IL1RAPL2: variants seen among roughly 807,000 people sequenced by gnomAD.
IL1RAPL2 encodes interleukin 1 receptor accessory protein like 2, also known as X-linked interleukin-1 receptor accessory protein-like 2.
Under a neutral mutation model 44.1 loss-of-function variants are expected in IL1RAPL2, and 3 were observed. The observed-to-expected ratio is 0.07, with a 90% CI of 0.03 to 0.18. The LOEUF is 0.18. Among genes scored for constraint, IL1RAPL2 ranks in the 10% least tolerant of loss-of-function variants. The probability of loss-of-function intolerance (pLI) is 1.00; values close to 1 mark genes in which losing one functional copy is unlikely to be tolerated. For missense variants in IL1RAPL2, 391 were observed against 496.4 expected, an observed-to-expected ratio of 0.79 and a Z score of 2.02; for synonymous variants, 181 against 178.8, an observed-to-expected ratio of 1.01 and a Z score of -0.10.
intron 6 of IL1RAPL2, among the ~76,000 whole-genome samples, chrX:105,529,570 T>G (rs1423418862): frequency 9.0e-6 from 1 of 111,576 alleles, no homozygotes; most frequent in Non-Finnish European, 1.9e-5. Flanking sequence ...TGTACAAATC[T>G]TAAGTGTACA....
intron 6 of IL1RAPL2, among the ~76,000 whole-genome samples, chrX:105,595,069 A>T (rs903654465): frequency 1.1e-4 from 12 of 111,962 alleles, no homozygotes; most frequent in Non-Finnish European, 2.3e-4. Flanking sequence ...TCTTCATATC[A>T]TGTTACTTCT....
intron 1 of IL1RAPL2, among the ~76,000 whole-genome samples, chrX:104,582,506 CTCTCTCTT>C (rs1179817415): frequency 1.8e-5 from 2 of 109,939 alleles, no homozygotes; most frequent in African/African-American, 6.7e-5. Flanking sequence ...CTCTCTCTCT[CTCTCTCTT>C]TCTTTCTTTT....
intron 2 of IL1RAPL2, among the ~76,000 whole-genome samples, chrX:104,831,135 A>G (rs1921593599): frequency 8.9e-6 from 1 of 111,780 alleles, no homozygotes; most frequent in Non-Finnish European, 1.9e-5. Flanking sequence ...AACAATAACT[A>G]TGTTTCTTCT....
At chrX:104,716,814 A>G (rs111573275) in intron 2 of IL1RAPL2, among the ~76,000 whole-genome samples, 1 of 112,084 alleles carries the variant, frequency 8.9e-6, no homozygotes, top group South Asian at 3.7e-4. Flanking sequence ...ACACTTATAC[A>G]CTATTGGTGG....
At chrX:105,573,829 A>G (rs58013677) in intron 6 of IL1RAPL2, among the ~76,000 whole-genome samples, 5,680 of 111,844 alleles carry the variant, frequency 0.051, 386 homozygotes, top group African/African-American at 0.18. Context: ...GCAAGGATAT[A>G]GACTTGAAAG....
At chrX:104,866,711 A>T (rs1922625777) in intron 2 of IL1RAPL2, among the ~76,000 whole-genome samples, 1 of 111,939 alleles carries the variant, frequency 8.9e-6, no homozygotes, top group African/African-American at 3.2e-5. Context: ...TTAGAAACAA[A>T]TGAAAGTGAA....
intron 1 of IL1RAPL2, among the ~76,000 whole-genome samples, chrX:104,609,855 C>T (rs1019010785): frequency 6.3e-5 from 7 of 111,811 alleles, no homozygotes; most frequent in South Asian, 3.7e-4. Context: ...CTTCTGTCAA[C>T]TCATCAAACT....
intron 2 of IL1RAPL2, among the ~76,000 whole-genome samples, chrX:105,178,825 A>T (rs1441631780): frequency 1.8e-5 from 2 of 111,461 alleles, no homozygotes; most frequent in South Asian, 3.8e-4. Context: ...TCTTTTGCCC[A>T]CTTTTCAATG....
intron 2 of IL1RAPL2, among the ~76,000 whole-genome samples, chrX:104,848,116 A>C (rs1893802558): frequency 9.1e-6 from 1 of 110,218 alleles, no homozygotes; most frequent in South Asian, 3.9e-4. Context: ...GGTTTTCTAA[A>C]TATACAATCA....
At chrX:105,261,999 G>A (rs2034363491) in intron 4 of IL1RAPL2, among the ~76,000 whole-genome samples, 1 of 111,533 alleles carries the variant, frequency 9.0e-6, no homozygotes, top group Non-Finnish European at 1.9e-5. Flanking sequence ...CACTTCAAAG[G>A]CTAAAAGGAG....
chrX:105,298,397 G>A (rs73245769), intron 5 of IL1RAPL2, among the ~76,000 whole-genome samples: 127 of 110,805 alleles, frequency 1.1e-3, no homozygotes, highest in Middle Eastern at 4.7e-3. Flanking sequence ...TGGCAGAGGT[G>A]TAGGAAAAGC....
At chrX:104,869,860 T>C (rs1356508883) in intron 2 of IL1RAPL2, among the ~76,000 whole-genome samples, 4 of 112,168 alleles carry the variant, frequency 3.6e-5, no homozygotes, top group African/African-American at 1.3e-4. Flanking sequence ...ATTTCTTCTT[T>C]AGGATCTTTT....
chrX:105,147,827 C>T (rs1019221847), intron 2 of IL1RAPL2, among the ~76,000 whole-genome samples: 7 of 111,202 alleles, frequency 6.3e-5, no homozygotes, highest in African/African-American at 2.3e-4. Context: ...TTTATATAGA[C>T]ATATGATTTT....
At chrX:104,574,179 A>C (rs1325538304) in intron 1 of IL1RAPL2, among the ~76,000 whole-genome samples, 1 of 111,576 alleles carries the variant, frequency 9.0e-6, no homozygotes, top group African/African-American at 3.3e-5. Context: ...TATGGTAAAA[A>C]ATACCATAAT....
At chrX:105,089,551 G>T (rs770034820) in intron 2 of IL1RAPL2, among the ~76,000 whole-genome samples, 2 of 110,581 alleles carry the variant, frequency 1.8e-5, no homozygotes, top group Non-Finnish European at 3.8e-5. Flanking sequence ...CCCCTACTCC[G>T]CCTCCACAAA....
intron 2 of IL1RAPL2, among the ~76,000 whole-genome samples, chrX:104,761,604 C>A (rs1292425119): frequency 9.0e-6 from 1 of 111,611 alleles, no homozygotes; most frequent in Non-Finnish European, 1.9e-5. Flanking sequence ...AGTCCATGTC[C>A]AAAGTCTCAT....
At chrX:105,670,146 T>TATATATATATATATATATGTATA (rs1301114173) in intron 6 of IL1RAPL2, among the ~76,000 whole-genome samples, 1 of 46,343 alleles carries the variant, frequency 2.2e-5, no homozygotes, top group Non-Finnish European at 4.5e-5. Context: ...TATATATATA[T>TATATATATATATATATATGTATA]ATCTCCACCA....
chrX:104,951,604 CAACA>C (rs1198707467), intron 2 of IL1RAPL2, among the ~76,000 whole-genome samples: 1 of 112,608 alleles, frequency 8.9e-6, no homozygotes, highest in African/African-American at 3.2e-5. Flanking sequence ...CAGTTCAATT[CAACA>C]AACATTTACT....
intron 5 of IL1RAPL2, among the ~76,000 whole-genome samples, chrX:105,456,599 C>A (rs1269130546): frequency 9.0e-6 from 1 of 111,050 alleles, no homozygotes; most frequent in Non-Finnish European, 1.9e-5. Context: ...TCTCTTTAGT[C>A]CTGTTTATGC....
Sources: allele counts gnomAD v4.1 joint callset (sites outside exome capture counted in the v4.1 genomes callset), GRCh38; gene constraint gnomAD v4.1.1; transcripts MANE v1.5; gene names NCBI Gene and HGNC (gene_info 2026-07-23, HGNC 2026-07-21).